The following PLA2G5 variants were observed in gnomAD, a reference collection of about 807,000 sequenced individuals.
PLA2G5 encodes phospholipase A2 group V.
Under a neutral mutation model 15.9 loss-of-function variants are expected in PLA2G5, and 12 were observed. That is an observed-to-expected ratio of 0.76 (90% CI 0.48 to 1.23). PLA2G5 has a LOEUF of 1.23. PLA2G5 is among the 50% of genes most tolerant of loss of function. The pLI is 0.00. For missense variants in PLA2G5, 169 were observed against 177.1 expected, an observed-to-expected ratio of 0.95 and a Z score of 0.26; for synonymous variants, 71 against 71.4, an observed-to-expected ratio of 0.99 and a Z score of 0.03.
At chr1:20,052,173 CAAA>C (rs34853506) in intron 1 of PLA2G5, among the ~76,000 whole-genome samples, 5,618 of 102,368 alleles carry the variant, frequency 0.055, 88 homozygotes, top group South Asian at 0.092. Flanking sequence ...GACTCCATCT[CAAA>C]AAAAAAAAAA....
chr1:20,039,429 G>T (rs1271623870), intron 1 of PLA2G5, among the ~76,000 whole-genome samples: 2 of 152,106 alleles, frequency 1.3e-5, no homozygotes, highest in Non-Finnish European at 2.9e-5. Context: ...ACAAAACAAG[G>T]ATTAAATAGA....
chr1:20,058,996 A>G (rs2014572073), intron 1 of PLA2G5, among the ~76,000 whole-genome samples: 1 of 151,960 alleles, frequency 6.6e-6, no homozygotes, highest in Non-Finnish European at 1.5e-5. Context: ...CAACATGGCG[A>G]AACTCCATCT....
At chr1:20,061,636 T>A (rs1201892883) in intron 2 of PLA2G5, among the ~76,000 whole-genome samples, 2 of 151,846 alleles carry the variant, frequency 1.3e-5, no homozygotes, top group Non-Finnish European at 2.9e-5. Flanking sequence ...GAAAGCAGAT[T>A]TCTCCTTTGT....
chr1:20,069,807 G>A (rs1345179713), upstream of PLA2G5, among the ~76,000 whole-genome samples: 1 of 152,080 alleles, frequency 6.6e-6, no homozygotes, highest in East Asian at 1.9e-4. Flanking sequence ...TTCTGGATCG[G>A]AAAAAAGCCA....
At chr1:20,073,213 G>GA (rs2100547642) in intron 1 of PLA2G5, among the ~76,000 whole-genome samples, 2 of 152,326 alleles carry the variant, frequency 1.3e-5, no homozygotes, top group African/African-American at 4.8e-5. Flanking sequence ...TTAGGTGGAG[G>GA]AAAAACAACA....
At chr1:20,031,939 T>G in intron 1 of PLA2G5, among the ~76,000 whole-genome samples, 1 of 151,894 alleles carries the variant, frequency 6.6e-6, no homozygotes, top group Non-Finnish European at 1.5e-5. Flanking sequence ...AGATGTTGAG[T>G]GAGGTGTCAT....
chr1:20,067,506 G>A (rs189110449), upstream of PLA2G5, among the ~76,000 whole-genome samples: 465 of 152,012 alleles, frequency 3.1e-3, 2 homozygotes, highest in Admixed American at 0.016. Flanking sequence ...TGGGCAACAC[G>A]GTGAAACTCT....
chr1:20,065,580 ATTTGATAGCTTATTTCTT>A (rs1553174267), upstream of PLA2G5, among the ~76,000 whole-genome samples: 3 of 152,068 alleles, frequency 2.0e-5, no homozygotes, highest in African/African-American at 7.2e-5. Context: ...TCTTTTTGTG[ATTTGATAGCTTATTTCTT>A]TTTGATAGCT....
At chr1:20,042,373 G>A (rs1481770483) in intron 1 of PLA2G5, among the ~76,000 whole-genome samples, 5 of 152,124 alleles carry the variant, frequency 3.3e-5, no homozygotes, top group South Asian at 2.1e-4. Flanking sequence ...AGATACAGCC[G>A]TGGGGGTCAG....
At chr1:20,088,139 C>A (rs936781941) in intron 3 of PLA2G5, among the ~76,000 whole-genome samples, 1 of 150,140 alleles carries the variant, frequency 6.7e-6, no homozygotes, top group Non-Finnish European at 1.5e-5. Flanking sequence ...AGGTGGATGA[C>A]CTGAGGTCGG....
intron 1 of PLA2G5, among the ~76,000 whole-genome samples, chr1:20,038,100 C>G (rs539173044): frequency 1.3e-5 from 2 of 152,298 alleles, no homozygotes; most frequent in East Asian, 1.9e-4. Context: ...TCCCACTGTG[C>G]TCCACCACCA....
chr1:20,069,956 T>A (rs2015263597), upstream of PLA2G5, among the ~76,000 whole-genome samples: 1 of 151,864 alleles, frequency 6.6e-6, no homozygotes, highest in Admixed American at 6.6e-5. Context: ...ACTCAGATAG[T>A]CAAGATTCTA....
intron 1 of PLA2G5, among the ~76,000 whole-genome samples, chr1:20,056,803 CT>C (rs1374567478): frequency 2.0e-5 from 3 of 152,068 alleles, no homozygotes; most frequent in African/African-American, 7.2e-5. Flanking sequence ...TGATTTTTTC[CT>C]TAAATATTGG....
At position 20,084,881 on chromosome 1, in the gene PLA2G5, G is replaced by T. The variant is rs760252436; in HGVS notation, c.40+11G>T. 3 of 1,594,762 alleles carry T rather than the reference G, an allele frequency of 1.9e-6. No individual in the cohort carries two copies. In the South Asian group the frequency reaches 3.3e-5, roughly 18 times the overall value. Reference sequence around the variant, plus strand: ...GGTTCCTGGCTTGTAGTAAGTGCTGGCCCCGTGACCTTCGAATGAACTTTT... The same window carrying T: ...GGTTCCTGGCTTGTAGTAAGTGCTGTCCCCGTGACCTTCGAATGAACTTTT... On this transcript the variant is annotated intron_variant, in intron 2 of 4. Coordinates refer to ENST00000375108, the MANE Select transcript of PLA2G5 (RefSeq NM_000929.3).
chr1:20,071,224 C>A (rs777029895), intron 1 of PLA2G5, among the ~76,000 whole-genome samples: 1 of 152,084 alleles, frequency 6.6e-6, no homozygotes, highest in Non-Finnish European at 1.5e-5. Flanking sequence ...GAGAGAAGGC[C>A]CATAAAGAAC....
rs2020881 is a variant in PLA2G5 at position 20,086,230 on chromosome 1, G to A, written c.185+3G>A. ...ACCCCCAAGGATGGCACCGATTGGT[G>A]AGCTGATCGCTATAACTGCCCTTTA... On this transcript the variant is annotated splice_donor_region_variant and intron_variant, in intron 3 of 4. Coordinates refer to ENST00000375108, the MANE Select transcript of PLA2G5 (RefSeq NM_000929.3). 52,041 of 1,614,014 alleles carry A rather than the reference G, an allele frequency of 0.032. 1,032 individuals carry two copies. The highest frequency in any genetic ancestry group is 0.042 in the Middle Eastern group (256 of 6,060).
At chr1:20,032,067 A>G (rs777852938) in intron 1 of PLA2G5, among the ~76,000 whole-genome samples, 2 of 152,194 alleles carry the variant, frequency 1.3e-5, no homozygotes, top group Non-Finnish European at 2.9e-5. Flanking sequence ...GGCATGGCTC[A>G]TAAACCCATG....
chr1:20,087,322 G>A (rs1429018837), intron 3 of PLA2G5, among the ~76,000 whole-genome samples: 1 of 152,106 alleles, frequency 6.6e-6, no homozygotes, highest in African/African-American at 2.4e-5. Context: ...GGACCCCTGT[G>A]AATACCAAAA....
chr1:20,074,957 C>A (rs2015590289), intron 1 of PLA2G5, among the ~76,000 whole-genome samples: 1 of 152,230 alleles, frequency 6.6e-6, no homozygotes, highest in Non-Finnish European at 1.5e-5. Context: ...CCTCCTAAGC[C>A]TCCTCACATG....
Sources: gnomAD v4.1 joint callset for allele counts (sites outside exome capture counted in the v4.1 genomes callset) on GRCh38, gnomAD v4.1.1 for gene constraint, MANE v1.5 for transcripts, NCBI Gene and HGNC (gene_info 2026-07-23, HGNC 2026-07-21) for gene names.